Variants in CELF4 observed in about 807,000 individuals in gnomAD.
The protein encoded by CELF4 is CUGBP Elav-like family member 4, also known as CUG-BP- and ETR-3-like factor 4.
A neutral mutation model predicts 59.9 loss-of-function variants in CELF4; 18 were observed. That is an observed-to-expected ratio of 0.30 (90% CI 0.21 to 0.45). The LOEUF (loss-of-function observed/expected upper bound fraction) is 0.45. CELF4 is among the 20% of genes least tolerant of loss of function. CELF4 has a pLI of 1.00. For synonymous variants in CELF4, 261 were observed against 267.1 expected, an observed-to-expected ratio of 0.98 and a Z score of 0.22; for missense variants, 456 against 689.0, an observed-to-expected ratio of 0.66 and a Z score of 3.79.
rs1266548290 is a variant in CELF4, at chr18:37,409,621, GGGA to G, written c.369+75901_369+75903del. Reference sequence around the variant, plus strand: ...AAGTGTGGGGGGCTGCATCAGGGAAGGGAGTGTCCAGAGTGAGGGAGACCCTGG... The same window carrying G: ...AAGTGTGGGGGGCTGCATCAGGGAAGGTGTCCAGAGTGAGGGAGACCCTGG... On this transcript the variant is annotated intron_variant, in intron 2 of 12. Coordinates refer to ENST00000420428, the MANE Select transcript of CELF4 (RefSeq NM_020180.4). 6.6e-5 allele frequency among the ~76,000 whole-genome samples: 10 copies of G among 152,280 alleles called. No individual in the cohort carries two copies. The East Asian group carries it at 9.7e-4, about 15-fold the overall frequency.
At chr18:37,407,589 A>G (rs2099398588) in intron 2 of CELF4, among the ~76,000 whole-genome samples, 1 of 95,924 alleles carries the variant, frequency 1.0e-5, no homozygotes. Flanking sequence ...GTGTGTGGGT[A>G]TATGTGTATA....
chr18:37,476,086 TC>T (rs1185837643), intron 2 of CELF4, among the ~76,000 whole-genome samples: 22 of 152,254 alleles, frequency 1.4e-4, no homozygotes, highest in African/African-American at 5.1e-4. Context: ...CCCACTCGCA[TC>T]ATTGTTTTGT....
At chr18:37,335,021 C>T (rs2097714515) in intron 2 of CELF4, among the ~76,000 whole-genome samples, 1 of 137,984 alleles carries the variant, frequency 7.2e-6, no homozygotes, top group Admixed American at 7.2e-5. Flanking sequence ...TCCCTCTGCT[C>T]CCCCCTCTCT....
At chr18:37,334,999 T>G (rs1489569207) in intron 2 of CELF4, among the ~76,000 whole-genome samples, 1 of 138,242 alleles carries the variant, frequency 7.2e-6, no homozygotes, top group Non-Finnish European at 1.6e-5. Flanking sequence ...CCTCGCTCCC[T>G]CCCTCCCTCC....
intron 1 of CELF4, among the ~76,000 whole-genome samples, chr18:37,508,597 G>A (rs938417778): frequency 2.1e-4 from 32 of 152,242 alleles, no homozygotes; most frequent in Non-Finnish European, 3.7e-4. Context: ...TGTTCTCCAC[G>A]CTGACAAATG....
chr18:37,362,184 G>A (rs150290005), intron 2 of CELF4, among the ~76,000 whole-genome samples: 146 of 152,254 alleles, frequency 9.6e-4, no homozygotes, highest in Admixed American at 2.1e-3. Flanking sequence ...TCAACTTGGC[G>A]TCTGAGGTGC....
intron 10 of CELF4, among the ~76,000 whole-genome samples, chr18:37,262,853 C>T (rs2075597172): frequency 6.6e-6 from 1 of 152,164 alleles, no homozygotes; most frequent in Non-Finnish European, 1.5e-5. Context: ...ACCCCCACCC[C>T]CACTTCACCA....
At chr18:37,342,079 T>A (rs1218292599) in intron 2 of CELF4, among the ~76,000 whole-genome samples, 1 of 151,996 alleles carries the variant, frequency 6.6e-6, no homozygotes, top group African/African-American at 2.4e-5. Context: ...AGGAGAACAG[T>A]GGAGCTCATC....
intron 2 of CELF4, among the ~76,000 whole-genome samples, chr18:37,407,567 A>G (rs1266810139): frequency 6.9e-6 from 1 of 145,240 alleles, no homozygotes; most frequent in Non-Finnish European, 1.5e-5. Flanking sequence ...GTGTATATAT[A>G]TGTGTGTGTA....
At chr18:37,411,345 G>A (rs1262188474) in intron 2 of CELF4, among the ~76,000 whole-genome samples, 1 of 152,206 alleles carries the variant, frequency 6.6e-6, no homozygotes, top group Non-Finnish European at 1.5e-5. Context: ...CAATGTGTGG[G>A]AGACGTGTGT....
At position 37,563,252 on chromosome 18, in the gene CELF4, T is replaced by C. The variant is rs546875172; in HGVS notation, c.286+2104A>G. Among the ~76,000 whole-genome samples the C allele has an allele frequency of 4.6e-5, 7 of 152,216 alleles. No homozygotes were observed. In the South Asian group the frequency reaches 1.5e-3, roughly 32 times the overall value. On this transcript the variant is annotated intron_variant, in intron 1 of 12. Transcript: ENST00000420428. ...GTAGAAAAGAAACCAAGGAATATTG[T>C]TAAAGTTTATCTTCATTTGAAATGA...
At chr18:37,502,604 C>T (rs761108634) in intron 1 of CELF4, among the ~76,000 whole-genome samples, 1 of 152,296 alleles carries the variant, frequency 6.6e-6, no homozygotes, top group East Asian at 1.9e-4. Flanking sequence ...GGCCCGGGCC[C>T]CACTGCACTG....
chr18:37,562,042 C>A (rs1452766252), intron 1 of CELF4, among the ~76,000 whole-genome samples: 2 of 152,082 alleles, frequency 1.3e-5, no homozygotes, highest in South Asian at 2.1e-4. Context: ...CACCCAGATA[C>A]CCCTCTCCCC....
intron 2 of CELF4, among the ~76,000 whole-genome samples, chr18:37,363,605 T>C (rs2154561213): frequency 6.6e-6 from 1 of 152,282 alleles, no homozygotes; most frequent in East Asian, 1.9e-4. Flanking sequence ...TACAGGAGGA[T>C]GATAGAAAGA....
At chr18:37,539,267 T>C (rs1219592339) in intron 1 of CELF4, among the ~76,000 whole-genome samples, 1 of 152,208 alleles carries the variant, frequency 6.6e-6, no homozygotes, top group Non-Finnish European at 1.5e-5. Context: ...GTTATTATCT[T>C]TATTTTATAA....
chr18:37,463,138 A>G (rs2099798429), intron 2 of CELF4, among the ~76,000 whole-genome samples: 2 of 152,198 alleles, frequency 1.3e-5, no homozygotes, highest in African/African-American at 4.8e-5. Context: ...TTGTAGATGC[A>G]AATTGGAAAT....
intron 2 of CELF4, among the ~76,000 whole-genome samples, chr18:37,335,786 T>C (rs2097753436): frequency 6.6e-6 from 1 of 151,996 alleles, no homozygotes; most frequent in South Asian, 2.1e-4. Context: ...CAACCTTCAC[T>C]CCCTTGGAGG....
intron 2 of CELF4, among the ~76,000 whole-genome samples, chr18:37,386,187 C>A (rs2099097453): frequency 1.3e-5 from 2 of 152,210 alleles, no homozygotes; most frequent in South Asian, 4.1e-4. Flanking sequence ...TAAAGAATGT[C>A]TGCTCTGTGG....
chr18:37,324,582 C>T (rs1372457926), intron 2 of CELF4, among the ~76,000 whole-genome samples: 1 of 152,176 alleles, frequency 6.6e-6, no homozygotes, highest in Non-Finnish European at 1.5e-5. Flanking sequence ...ACAGCTCTAG[C>T]CAACGAATAA....
Sources: allele counts gnomAD v4.1 joint callset (sites outside exome capture counted in the v4.1 genomes callset), GRCh38; gene constraint gnomAD v4.1.1; transcripts MANE v1.5; gene names NCBI Gene and HGNC (gene_info 2026-07-23, HGNC 2026-07-21).